Variants in RBFOX1 observed in about 807,000 individuals in gnomAD.
RBFOX1 encodes RNA binding fox-1 homolog 1.
A neutral mutation model predicts 57.7 loss-of-function variants in RBFOX1; 8 were observed. The ratio of observed to expected loss-of-function variants is 0.14; its 90% CI spans 0.08 to 0.25. The LOEUF (loss-of-function observed/expected upper bound fraction) is 0.25. Among genes scored for constraint, RBFOX1 ranks in the 10% least tolerant of loss-of-function variants. The pLI is 1.00. For synonymous variants in RBFOX1, 326 were observed against 222.4 expected (o/e 1.47, Z -4.15); for missense variants, 611 against 548.5 (o/e 1.11, Z -1.14).
intron 2 of RBFOX1, among the ~76,000 whole-genome samples, chr16:6,652,321 G>A (rs554073076): frequency 3.0e-4 from 46 of 152,196 alleles, no homozygotes; most frequent in African/African-American, 1.0e-3. Flanking sequence ...TGTGGTGCAT[G>A]TCGGTAGTCC....
chr16:6,412,860 C>G (rs564747240), intron 2 of RBFOX1, among the ~76,000 whole-genome samples: 2 of 152,306 alleles, frequency 1.3e-5, no homozygotes, highest in South Asian at 4.1e-4. Flanking sequence ...CTGGAGCGTG[C>G]ACCTGGCATT....
intron 3 of RBFOX1, among the ~76,000 whole-genome samples, chr16:6,656,719 T>A (rs1003851512): frequency 6.6e-6 from 1 of 152,250 alleles, no homozygotes; most frequent in East Asian, 1.9e-4. Flanking sequence ...TTTTCTAAAC[T>A]TGACCTCATA....
At chr16:7,082,747 G>T (rs1390174754) in intron 4 of RBFOX1, among the ~76,000 whole-genome samples, 3 of 151,998 alleles carry the variant, frequency 2.0e-5, no homozygotes, top group African/African-American at 7.3e-5. Flanking sequence ...TATCACAATG[G>T]CATTCAATTT....
At chr16:5,815,060 C>T (rs940261948) in intron 3 of RBFOX1, among the ~76,000 whole-genome samples, 7 of 151,904 alleles carry the variant, frequency 4.6e-5, no homozygotes, top group South Asian at 2.1e-4. Flanking sequence ...TCTAGCTCAC[C>T]GCAGCCCCAA....
intron 2 of RBFOX1, among the ~76,000 whole-genome samples, chr16:6,330,361 C>A (rs1341714044): frequency 2.0e-5 from 3 of 152,192 alleles, no homozygotes; most frequent in Non-Finnish European, 4.4e-5. Flanking sequence ...CAAAGGCTCC[C>A]AAGAAGCCTT....
intron 15 of RBFOX1, chr16:7,710,084 T>C (rs1057281897): frequency 2.0e-5 from 20 of 1,000,572 alleles, no homozygotes; most frequent in South Asian, 9.0e-5. Flanking sequence ...TTTGGAAGCA[T>C]TGTTTTGCAC....
intron 4 of RBFOX1, among the ~76,000 whole-genome samples, chr16:7,273,196 T>TCCTCCCTCCCTC (rs756342526): frequency 5.9e-5 from 3 of 50,644 alleles, no homozygotes; most frequent in African/African-American, 9.9e-5. Context: ...CTCCCTTCCT[T>TCCTCCCTCCCTC]CCTCCCTCCC....
At chr16:6,224,890 G>A (rs2097404364) in intron 1 of RBFOX1, among the ~76,000 whole-genome samples, 1 of 151,928 alleles carries the variant, frequency 6.6e-6, no homozygotes, top group African/African-American at 2.4e-5. Flanking sequence ...GTGGTGGTGG[G>A]CACCTGTAAT....
intron 3 of RBFOX1, among the ~76,000 whole-genome samples, chr16:6,891,194 G>A (rs1391260352): frequency 1.3e-5 from 2 of 152,130 alleles, no homozygotes; most frequent in East Asian, 1.9e-4. Flanking sequence ...ATCAGTAGTG[G>A]CTACAATAAT....
intron 3 of RBFOX1, among the ~76,000 whole-genome samples, chr16:5,864,492 T>A (rs2057299170): frequency 6.6e-6 from 1 of 152,050 alleles, no homozygotes; most frequent in African/African-American, 2.4e-5. Flanking sequence ...ATTTTTCACA[T>A]ATGCATCTAT....
At chr16:7,326,739 GC>G (rs2096616636) in intron 4 of RBFOX1, among the ~76,000 whole-genome samples, 1 of 151,980 alleles carries the variant, frequency 6.6e-6, no homozygotes, top group Admixed American at 6.6e-5. Flanking sequence ...GGGCGACAGA[GC>G]CCAGATCCCC....
At chr16:5,346,257 G>C (rs988188859) in intron 1 of RBFOX1, among the ~76,000 whole-genome samples, 4 of 152,148 alleles carry the variant, frequency 2.6e-5, no homozygotes, top group African/African-American at 9.7e-5. Context: ...TTATAAGACA[G>C]GGAATAAAAA....
chr16:6,390,251 C>T (rs1026230556), intron 2 of RBFOX1, among the ~76,000 whole-genome samples: 1 of 152,140 alleles, frequency 6.6e-6, no homozygotes, highest in African/African-American at 2.4e-5. Flanking sequence ...TTACCTACCT[C>T]TTAGAGGTGC....
chr16:7,273,270 C>T (rs949054718), intron 4 of RBFOX1, among the ~76,000 whole-genome samples: 4 of 142,448 alleles, frequency 2.8e-5, no homozygotes, highest in East Asian at 4.3e-4. Flanking sequence ...TCCTCCCTTT[C>T]TCTTTTTCTC....
At chr16:6,864,736 T>C (rs1284281818) in intron 3 of RBFOX1, among the ~76,000 whole-genome samples, 1 of 152,092 alleles carries the variant, frequency 6.6e-6, no homozygotes, top group African/African-American at 2.4e-5. Context: ...CTAGAAGATG[T>C]TGCTCTGTTC....
chr16:7,664,646 G>T (rs552312384), intron 12 of RBFOX1: 9 of 469,298 alleles, frequency 1.9e-5, no homozygotes, highest in Admixed American at 1.4e-4. Flanking sequence ...GCATTTCAAA[G>T]TCGTGCCTTT....
intron 1 of RBFOX1, among the ~76,000 whole-genome samples, chr16:6,122,843 T>G (rs1482263683): frequency 6.7e-6 from 1 of 148,638 alleles, no homozygotes; most frequent in Non-Finnish European, 1.5e-5. Flanking sequence ...TAAAATATAC[T>G]CTCTGATTAA....
At chr16:7,629,315 C>T (rs1216759295) in intron 10 of RBFOX1, among the ~76,000 whole-genome samples, 1 of 152,154 alleles carries the variant, frequency 6.6e-6, no homozygotes, top group Non-Finnish European at 1.5e-5. Flanking sequence ...GAAGTTTTAA[C>T]TACATTTTTG....
chr16:7,469,026 C>G (rs1345268576), intron 4 of RBFOX1, among the ~76,000 whole-genome samples: 2 of 152,056 alleles, frequency 1.3e-5, no homozygotes, highest in African/African-American at 2.4e-5. Flanking sequence ...CTCCACCGCC[C>G]AGGTTCACAC....
Sources: allele counts gnomAD v4.1 joint callset (sites outside exome capture counted in the v4.1 genomes callset), GRCh38; gene constraint gnomAD v4.1.1; transcripts MANE v1.5; gene names NCBI Gene and HGNC (gene_info 2026-07-23, HGNC 2026-07-21).